The following SOX6 variants were observed in gnomAD, a reference collection of about 807,000 sequenced individuals.
SOX6 encodes the protein transcription factor SOX-6.
A neutral mutation model predicts 97.8 loss-of-function variants in SOX6; 11 were observed. That is an observed-to-expected ratio of 0.11 (90% CI 0.07 to 0.19). The LOEUF (loss-of-function observed/expected upper bound fraction) is 0.19, where lower values mean the gene tolerates loss of function less well. SOX6 is among the 10% of genes least tolerant of loss of function. The pLI is 1.00. For synonymous variants in SOX6, 360 were observed against 371.4 expected (o/e 0.97, Z 0.35); for missense variants, 810 against 1,039.5 (o/e 0.78, Z 3.04).
chr11:16,678,308 T>G (rs1395354942), intron 3 of SOX6, among the ~76,000 whole-genome samples: 2 of 152,236 alleles, frequency 1.3e-5, no homozygotes, highest in Non-Finnish European at 2.9e-5. Flanking sequence ...CTATAGGGAC[T>G]AATTGAACAG....
chr11:16,464,376 T>G (rs764517993), intron 1 of SOX6, among the ~76,000 whole-genome samples: 11 of 151,700 alleles, frequency 7.3e-5, no homozygotes, highest in Non-Finnish European at 1.5e-4. Context: ...GCATACAATT[T>G]AAGATACATG....
At position 16,658,997 on chromosome 11, in the gene SOX6, T is replaced by C. The variant is rs367663487; in HGVS notation, n.430-46737A>G. ...ATATTTTCTCCCACTTTCTGGCTTGTTTTTTTCTTAACAATGTCATCTGCA... is the reference window on the plus strand; with the variant it reads ...ATATTTTCTCCCACTTTCTGGCTTGCTTTTTTCTTAACAATGTCATCTGCA... On this transcript the variant is annotated intron_variant and non_coding_transcript_variant, in intron 3 of 5. Transcript: ENST00000524520. 6.0e-4 allele frequency among the ~76,000 whole-genome samples: 91 copies of C among 152,334 alleles called. 1 individual carries two copies. In the South Asian group the frequency reaches 0.013, roughly 22 times the overall value.
chr11:16,067,155 C>T (rs560490632), intron 9 of SOX6, among the ~76,000 whole-genome samples: 2 of 152,158 alleles, frequency 1.3e-5, no homozygotes, highest in African/African-American at 4.8e-5. Flanking sequence ...GACTTTTGGG[C>T]TAATACTGGA....
intron 9 of SOX6, among the ~76,000 whole-genome samples, chr11:16,076,746 T>C (rs1237095960): frequency 4.0e-5 from 5 of 125,920 alleles, no homozygotes; most frequent in Non-Finnish European, 6.4e-5. Context: ...TTTTTTTTTT[T>C]TTTTTTTTTT....
intron 3 of SOX6, among the ~76,000 whole-genome samples, chr11:16,281,093 G>T (rs1266766927): frequency 6.6e-6 from 1 of 152,042 alleles, no homozygotes; most frequent in Non-Finnish European, 1.5e-5. Context: ...GAGAGTTAGA[G>T]TTTTTCTATT....
intron 3 of SOX6, among the ~76,000 whole-genome samples, chr11:16,628,226 G>A (rs951822671): frequency 3.9e-5 from 6 of 152,286 alleles, no homozygotes; most frequent in African/African-American, 9.6e-5. Flanking sequence ...GTCAGGTAAT[G>A]TGATGCCTCC....
At chr11:16,330,592 T>C (rs1047765569) in intron 2 of SOX6, among the ~76,000 whole-genome samples, 4 of 152,006 alleles carry the variant, frequency 2.6e-5, no homozygotes, top group Non-Finnish European at 4.4e-5. Context: ...ATTCAACTAT[T>C]GACTGGTTCA....
At chr11:16,385,408 G>A (rs947786286) in intron 1 of SOX6, among the ~76,000 whole-genome samples, 15 of 151,838 alleles carry the variant, frequency 9.9e-5, no homozygotes, top group African/African-American at 3.6e-4. Flanking sequence ...ATAAAAAGAG[G>A]GTAAGTTTAA....
chr11:16,513,697 G>C (rs901621301), intron 4 of SOX6, among the ~76,000 whole-genome samples: 10 of 152,082 alleles, frequency 6.6e-5, no homozygotes, highest in African/African-American at 2.4e-4. Context: ...TCTCCGCACA[G>C]AGTAATGTTG....
intron 9 of SOX6, among the ~76,000 whole-genome samples, chr11:16,069,761 C>A (rs192310680): frequency 1.3e-4 from 20 of 152,000 alleles, no homozygotes; most frequent in African/African-American, 4.8e-4. Flanking sequence ...TCACAACAAC[C>A]AAAAGAAAAA....
chr11:15,973,184 T>C, intron 15 of SOX6, 72 bp from the exon 16 acceptor site: 2 of 1,443,054 alleles, frequency 1.4e-6, no homozygotes, highest in Non-Finnish European at 1.9e-6. Context: ...AGCATTGGAA[T>C]TCACACCCTA....
intron 1 of SOX6, among the ~76,000 whole-genome samples, chr11:16,472,353 A>T (rs896470383): frequency 5.5e-4 from 84 of 152,200 alleles, no homozygotes; most frequent in African/African-American, 2.0e-3. Flanking sequence ...ACAGCTCAGA[A>T]TTATTTCCCT....
intron 4 of SOX6, among the ~76,000 whole-genome samples, chr11:16,208,258 A>G (rs1252177077): frequency 6.6e-6 from 1 of 152,098 alleles, no homozygotes; most frequent in African/African-American, 2.4e-5. Flanking sequence ...CATACCTTCA[A>G]CTCTCATGTA....
chr11:16,055,217 T>C (rs1306696637), intron 10 of SOX6, among the ~76,000 whole-genome samples: 11 of 152,076 alleles, frequency 7.2e-5, no homozygotes, highest in Admixed American at 7.2e-4. Context: ...ACAGTCCTCT[T>C]TATTTTATTT....
intron 4 of SOX6, among the ~76,000 whole-genome samples, chr11:16,554,964 TC>T: frequency 6.6e-6 from 1 of 152,022 alleles, no homozygotes; most frequent in African/African-American, 2.4e-5. Flanking sequence ...GATTCCTCTC[TC>T]CATAGTATCA....
In SOX6 at chr11:16,605,089, G is replaced by A. The variant is rs1271840478; in HGVS notation, n.609+6992C>T. ...GCGGGAGCGGCCGGGCTCGGGCTGG[G>A]TCCCGGGGCGGGTGGCAGCACCGCC... On this transcript the variant is annotated intron_variant and non_coding_transcript_variant, in intron 4 of 5. Coordinates refer to the SOX6 transcript ENST00000524520. The surrounding 1 kb of genome is among the most constrained non-coding windows in gnomAD (Gnocchi z 5.3). Among the ~76,000 whole-genome samples the A allele has an allele frequency of 6.6e-6, 1 of 151,972 alleles. No homozygotes were observed. Among genetic ancestry groups the A allele is most frequent in the Non-Finnish European group, 1.5e-5 (1 of 67,966 alleles).
At chr11:16,305,428 G>A (rs915554670) in intron 3 of SOX6, among the ~76,000 whole-genome samples, 13 of 152,192 alleles carry the variant, frequency 8.5e-5, no homozygotes, top group African/African-American at 2.7e-4. Flanking sequence ...CCAAGATGCA[G>A]AGATGCTGGA....
chr11:16,149,958 A>C (rs1411271487), intron 6 of SOX6, among the ~76,000 whole-genome samples: 1 of 152,210 alleles, frequency 6.6e-6, no homozygotes, highest in African/African-American at 2.4e-5. Context: ...AAAGCAATTG[A>C]TTTGACTGAA....
chr11:16,096,356 A>G (rs530883711), intron 8 of SOX6, among the ~76,000 whole-genome samples: 7 of 151,992 alleles, frequency 4.6e-5, no homozygotes, highest in Admixed American at 2.6e-4. Flanking sequence ...CTATAGGAAG[A>G]GAAGAAATAT....
Sources: gnomAD v4.1 joint callset for allele counts (sites outside exome capture counted in the v4.1 genomes callset) on GRCh38, gnomAD v4.1.1 for gene constraint, Gnocchi (gnomAD v3.1) non-coding constraint, MANE v1.5 for transcripts, NCBI Gene and HGNC (gene_info 2026-07-23, HGNC 2026-07-21) for gene names.